Variants in SMC4 observed in about 807,000 individuals in gnomAD.
SMC4 encodes structural maintenance of chromosomes protein 4.
Under a neutral mutation model 145.6 loss-of-function variants are expected in SMC4, and 87 were observed. The observed-to-expected ratio is 0.60, with a 90% confidence interval of 0.50 to 0.71. SMC4 has a LOEUF of 0.71. Among genes scored for constraint, SMC4 ranks in the 30% least tolerant of loss-of-function variants. The probability of loss-of-function intolerance (pLI) is 0.00; values close to 1 mark genes in which losing one functional copy is unlikely to be tolerated. For synonymous variants in SMC4, 558 were observed against 500.7 expected (o/e 1.11, Z -1.53); for missense variants, 1,447 against 1,537.1 (o/e 0.94, Z 0.98).
At chr3:160,429,601 C>T (rs376960315) in intron 18 of SMC4, among the ~76,000 whole-genome samples, 8 of 152,068 alleles carry the variant, frequency 5.3e-5, no homozygotes, top group African/African-American at 7.2e-5. Flanking sequence ...CTTGCCTTGG[C>T]CTCCCAAAAG....
rs748102019 is a variant in SMC4, at chr3:160,401,968, A to G, written c.193A>G (p.Ile65Val). 4 of 1,607,966 alleles carry G rather than the reference A, an allele frequency of 2.5e-6. No homozygotes were observed. The highest frequency in any genetic ancestry group is 2.3e-5 in the East Asian group (1 of 44,324). Residue 65 changes from isoleucine (I) to valine (V), a missense_variant, in exon 3 of 24, where the codon ATT becomes GTT. Ile to Val is a conservative substitution (Grantham distance 29, BLOSUM62 3). Transcript: ENST00000357388. The part of the protein sequence containing the change: ...NRSLEEILNS[I>V]PPPPPPAMTN... The stretch of plus-strand genomic sequence containing the variant: ...AAGTTTAGAAGAGATTTTGAACAGC[A>G]TTCCTCCTCCCCCGCCTCCAGCAAT...
At position 160,412,909 on chromosome 3, in the gene SMC4, T is replaced by G. The variant is rs1377204220; in HGVS notation, c.980+456T>G. On this transcript the variant is annotated intron_variant, in intron 7 of 23. Coordinates refer to ENST00000357388, the MANE Select transcript of SMC4 (RefSeq NM_001002800.3). ...CTTTTACGTGTGCACTTTTTAAAAT[T>G]CGTGTAATAGCAGATCTGATTTTTT... 4.9e-6 allele frequency: 3 copies of G among 609,032 alleles called. No individual in the cohort carries two copies. The African/African-American group carries it at 6.1e-5, about 12-fold the overall frequency. 37.7% of individuals were successfully genotyped at this position (609,032 alleles called of 1,614,324 possible). A position where few individuals can be genotyped will look rare whatever the true frequency, so the allele number is the denominator to read the frequency against.
In SMC4 at chr3:160,412,077, G is replaced by C. The variant is rs750632616; in HGVS notation, c.845G>C (p.Gly282Ala). ...RRVEILNEHR[G>A]EKLNRVKMVE... ...GTTGAAATATTAAATGAACACAGAGGAGAGAAGGTGAATCATCTGTAGACT... is the reference window on the plus strand; with the variant it reads ...GTTGAAATATTAAATGAACACAGAGCAGAGAAGGTGAATCATCTGTAGACT... Residue 282 changes from glycine (G) to alanine (A), a missense_variant, in exon 6 of 24, where the codon GGA (glycine) becomes GCA (alanine). Transcript: ENST00000357388. 1 of 1,611,996 alleles carries C rather than the reference G, an allele frequency of 6.2e-7. No homozygotes were observed. The highest frequency in any genetic ancestry group is 1.1e-5 in the South Asian group (1 of 90,898).
intron 7 of SMC4, among the ~76,000 whole-genome samples, chr3:160,413,173 G>C (rs1716204728): frequency 6.6e-6 from 1 of 151,716 alleles, no homozygotes; most frequent in Admixed American, 6.6e-5. Context: ...TGGTAGAGAT[G>C]GGGTTTCGCC....
intron 18 of SMC4, 34 bp downstream of exon 18, chr3:160,428,976 C>T: frequency 6.7e-7 from 1 of 1,497,254 alleles, no homozygotes; most frequent in South Asian, 1.3e-5. Flanking sequence ...CTTGTTTTCC[C>T]TTTCCCTGCC....
intron 5 of SMC4, among the ~76,000 whole-genome samples, chr3:160,407,380 A>G (rs1037185054): frequency 2.0e-5 from 3 of 152,054 alleles, no homozygotes; most frequent in Non-Finnish European, 4.4e-5. Flanking sequence ...TGGTGAAACT[A>G]TGTCTCTATA....
At position 160,423,699 on chromosome 3, in the gene SMC4, T is replaced by C. The variant is rs764007825; in HGVS notation, c.2245+49T>C. 4.4e-6 allele frequency: 7 copies of C among 1,597,960 alleles called. No homozygotes were observed. In the South Asian group the frequency reaches 5.6e-5, roughly 13 times the overall value. ...TTTGTTTTTTTTTCCCCCCACAGCA[T>C]TGACTTTATTTAATCTTGTTGGGGA... is the stretch of plus-strand genomic sequence containing the variant. On this transcript the variant is annotated intron_variant, in intron 14 of 23. Coordinates refer to ENST00000357388, the MANE Select transcript of SMC4 (RefSeq NM_001002800.3).
At chr3:160,416,114 A>G in intron 9 of SMC4, 137 bp from the exon 10 acceptor site, 1 of 484,718 alleles carries the variant, frequency 2.1e-6, no homozygotes, top group Non-Finnish European at 3.5e-6. Flanking sequence ...ATACTTGTTA[A>G]AGCTAGCTAA....
At chr3:160,429,567 G>A (rs1255642894) in intron 18 of SMC4, among the ~76,000 whole-genome samples, 2 of 151,804 alleles carry the variant, frequency 1.3e-5, no homozygotes, top group Non-Finnish European at 2.9e-5. Flanking sequence ...GGCAGGTCTT[G>A]AACTCCTGGG....
rs746514708 is a variant in SMC4 at position 160,432,301 on chromosome 3, C to T, written c.3316C>T (p.Arg1106Trp). The T allele has an allele frequency of 1.6e-5, 25 of 1,602,174 alleles. No individual in the cohort carries two copies. Among genetic ancestry groups the T allele is most frequent in the South Asian group, 3.4e-5 (3 of 88,490 alleles). The part of the protein sequence containing the change: ...YKKKEELYLQ[R>W]VAELDKITYE... Reference sequence around the variant, plus strand: ...TTCACAGGAAGAATTGTATTTGCAACGGGTAGCAGAATTGGACAAAATTAC... The same window carrying T: ...TTCACAGGAAGAATTGTATTTGCAATGGGTAGCAGAATTGGACAAAATTAC... The change falls in exon 22 of 24, where the codon CGG (arginine) becomes TGG (tryptophan). Residue 1106 changes from arginine to tryptophan, a missense_variant. Physicochemically the swap from Arg to Trp is moderately radical, Grantham distance 101 (BLOSUM62 -3). Transcript: ENST00000357388.
In SMC4 at chr3:160,402,754, C is replaced by T. The variant is rs760279798; in HGVS notation, c.397C>T (p.Arg133Ter). 4 of 1,611,154 alleles carry T rather than the reference C, an allele frequency of 2.5e-6. No individual in the cohort carries two copies. Among genetic ancestry groups the T allele is most frequent in the Non-Finnish European group, 3.4e-6 (4 of 1,179,184 alleles). ...TTCTATGCTTTTTGTGTTTGGCTAT[C>T]GAGCACAAAAAATAAGATCTAAAAA... ...IDSMLFVFGYRAQKIRSKKLS... is the reference protein window; with the variant it reads ...IDSMLFVFGY The change falls in exon 4 of 24, where the codon CGA becomes TGA. Residue 133 changes from arginine to a stop codon, truncating the protein, a stop_gained. Coordinates refer to ENST00000357388, the MANE Select transcript of SMC4 (RefSeq NM_001002800.3). LOFTEE classifies it high-confidence loss of function.
chr3:160,413,084 A>G (rs1716191456), intron 7 of SMC4, among the ~76,000 whole-genome samples: 1 of 152,048 alleles, frequency 6.6e-6, no homozygotes, highest in Admixed American at 6.6e-5. Context: ...CAGGGCACAC[A>G]CCAACACACC....
Position 160,413,505 on chromosome 3 carries a change from A to G in SMC4, c.1013A>G (p.Glu338Gly). Residue 338 changes from glutamate (E) to glycine (G), a missense_variant, in exon 8 of 24, where the codon GAA (glutamate) becomes GGA (glycine). By Grantham distance (98) the Glu-to-Gly change is moderately conservative. Coordinates refer to ENST00000357388, the MANE Select transcript of SMC4 (RefSeq NM_001002800.3). ...YELQKRIAEM[E>G]TQKEKIHEDT... The stretch of plus-strand genomic sequence containing the variant: ...TTGCAGAAACGAATTGCTGAAATGG[A>G]AACTCAAAAGGAAAAAATTCATGAA... 6.3e-7 allele frequency: 1 copy of G among 1,589,320 alleles called. No homozygotes were observed. Among genetic ancestry groups the G allele is most frequent in the Non-Finnish European group, 8.5e-7 (1 of 1,173,400 alleles).
intron 4 of SMC4, 23 bp downstream of exon 4, chr3:160,402,890 G>C (rs779482399): frequency 6.7e-7 from 1 of 1,501,530 alleles, no homozygotes; most frequent in Non-Finnish European, 8.9e-7. Context: ...TACTGTTATT[G>C]GCAAGTTCAA....
intron 5 of SMC4, among the ~76,000 whole-genome samples, chr3:160,408,522 T>C (rs887263148): frequency 1.3e-5 from 2 of 152,174 alleles, no homozygotes; most frequent in African/African-American, 2.4e-5. Context: ...CATCAGATAA[T>C]AGTGTTGTAG....
At chr3:160,426,762 G>A (rs1409455822) in intron 17 of SMC4, among the ~76,000 whole-genome samples, 1 of 152,190 alleles carries the variant, frequency 6.6e-6, no homozygotes, top group African/African-American at 2.4e-5. Context: ...TTGAGCAGCT[G>A]TGCTTGTCTT....
chr3:160,410,625 T>TA (rs1715879519), intron 5 of SMC4, among the ~76,000 whole-genome samples: 1 of 152,248 alleles, frequency 6.6e-6, no homozygotes, highest in Non-Finnish European at 1.5e-5. Context: ...TCATTGTGCT[T>TA]ATAGACTGTC....
rs954359653 is a variant in SMC4 at position 160,419,655 on chromosome 3, T to C, written c.1857+112T>C. 4.0e-6 allele frequency: 4 copies of C among 1,007,248 alleles called. No homozygotes were observed. In the African/African-American group the frequency reaches 6.7e-5, roughly 17 times the overall value. The allele number at this position is 1,007,248 out of a possible 1,614,324, so 62.4% of individuals were successfully genotyped here. A position where few individuals can be genotyped will look rare whatever the true frequency, so the allele number is the denominator to read the frequency against. On this transcript the variant is annotated intron_variant, in intron 12 of 23. Transcript: ENST00000357388. ...AGTGTCACTGTATATAAAATAAGAT[T>C]CATTTTGTTTGTTTTAAGGCACATT... is the stretch of plus-strand genomic sequence containing the variant.
At chr3:160,401,855 A>C in intron 2 of SMC4, 60 bp from the exon 3 acceptor site, 1 of 1,342,942 alleles carries the variant, frequency 7.4e-7, no homozygotes. Flanking sequence ...AACTAATTGC[A>C]CTAATGTAGG....
Sources: gnomAD v4.1 joint callset for allele counts (sites outside exome capture counted in the v4.1 genomes callset) on GRCh38, gnomAD v4.1.1 for gene constraint, MANE v1.5 for transcripts, NCBI Gene and HGNC (gene_info 2026-07-23, HGNC 2026-07-21) for gene names.